Variants in DNAJC1 observed in about 807,000 individuals in gnomAD.
DNAJC1 encodes the protein DnaJ heat shock protein family (Hsp40) member C1, also known as dnaJ homolog subfamily C member 1.
Under a neutral mutation model 76.6 loss-of-function variants are expected in DNAJC1, and 58 were observed. The observed-to-expected ratio is 0.76, with a 90% confidence interval of 0.61 to 0.94. DNAJC1 has a LOEUF of 0.94. DNAJC1 is among the 40% of genes least tolerant of loss of function. The pLI, the probability that DNAJC1 is intolerant of heterozygous loss-of-function variation, is 0.00. For missense variants in DNAJC1, 689 were observed against 677.3 expected (o/e 1.02, Z -0.19); for synonymous variants, 258 against 267.9 (o/e 0.96, Z 0.36).
At chr10:21,916,637 C>T (rs576681056) in intron 6 of DNAJC1, among the ~76,000 whole-genome samples, 1 of 152,194 alleles carries the variant, frequency 6.6e-6, no homozygotes, top group South Asian at 2.1e-4. Flanking sequence ...GTTCCAATTA[C>T]CAATCCAGAT....
intron 8 of DNAJC1, among the ~76,000 whole-genome samples, chr10:21,829,316 C>A (rs1835316963): frequency 6.6e-6 from 1 of 152,108 alleles, no homozygotes; most frequent in South Asian, 2.1e-4. Flanking sequence ...CGGGTTCACA[C>A]CATTCTCCTG....
intron 1 of DNAJC1, among the ~76,000 whole-genome samples, chr10:21,973,067 C>A (rs1005604984): frequency 2.6e-5 from 4 of 151,984 alleles, no homozygotes; most frequent in African/African-American, 9.7e-5. Flanking sequence ...AGCAATAAAT[C>A]CAGAAATGAA....
At chr10:21,857,259 G>A (rs1835849773) in intron 8 of DNAJC1, among the ~76,000 whole-genome samples, 2 of 152,130 alleles carry the variant, frequency 1.3e-5, no homozygotes, top group Admixed American at 6.6e-5. Flanking sequence ...AGTCCTTGTT[G>A]AATACTTTTC....
intron 1 of DNAJC1, among the ~76,000 whole-genome samples, chr10:21,959,909 ACTC>A (rs1837759013): frequency 6.6e-6 from 1 of 151,802 alleles, no homozygotes; most frequent in African/African-American, 2.4e-5. Flanking sequence ...GTCACTTTTG[ACTC>A]CTCTTTCTCT....
chr10:21,790,495 G>A (rs1401341395), intron 9 of DNAJC1, among the ~76,000 whole-genome samples: 2 of 132,992 alleles, frequency 1.5e-5, no homozygotes, highest in East Asian at 2.5e-4. Flanking sequence ...ATGAAACAAT[G>A]TATTCAATAA....
intron 1 of DNAJC1, among the ~76,000 whole-genome samples, chr10:21,970,618 G>T (rs7923514): frequency 0.037 from 5,572 of 151,880 alleles, 181 homozygotes; most frequent in African/African-American, 0.074. Context: ...CTCTTTCCCA[G>T]GTCAGCATCT....
At chr10:21,851,642 C>A (rs557437927) in intron 8 of DNAJC1, among the ~76,000 whole-genome samples, 71 of 152,074 alleles carry the variant, frequency 4.7e-4, no homozygotes, top group African/African-American at 1.7e-3. Flanking sequence ...AGGTATATAC[C>A]CAAAGCAATT....
intron 8 of DNAJC1, among the ~76,000 whole-genome samples, chr10:21,835,223 G>C (rs1170691296): frequency 6.6e-6 from 1 of 152,172 alleles, no homozygotes; most frequent in African/African-American, 2.4e-5. Context: ...ACAGGGTCTG[G>C]AGTGGACCTC....
intron 1 of DNAJC1, among the ~76,000 whole-genome samples, chr10:21,993,907 AC>A (rs1463184879): frequency 2.0e-5 from 3 of 152,012 alleles, no homozygotes; most frequent in Non-Finnish European, 4.4e-5. Flanking sequence ...CTGCGGGCAA[AC>A]TTTTTTTAAA....
chr10:21,811,453 G>A lies in DNAJC1; in HGVS notation c.979-5354C>T, dbSNP rs144281329. 2.7e-3 allele frequency among the ~76,000 whole-genome samples: 412 copies of A among 152,294 alleles called. 1 individual carries two copies. The highest frequency in any genetic ancestry group is 9.3e-3 in the African/African-American group (387 of 41,562). On this transcript the variant is annotated intron_variant, in intron 8 of 11. Coordinates refer to ENST00000376980, the MANE Select transcript of DNAJC1 (RefSeq NM_022365.4). ...ATTGCAAAACAACTGACACCCCTGCGTGTCTCCCACAGACTCCTTAACTGC... is the reference window on the plus strand; with the variant it reads ...ATTGCAAAACAACTGACACCCCTGCATGTCTCCCACAGACTCCTTAACTGC...
At chr10:21,995,888 G>A (rs1054167990) in intron 1 of DNAJC1, among the ~76,000 whole-genome samples, 7 of 152,074 alleles carry the variant, frequency 4.6e-5, no homozygotes, top group African/African-American at 1.7e-4. Flanking sequence ...TTCTAATTAG[G>A]TCCTTATGAC....
intron 1 of DNAJC1, among the ~76,000 whole-genome samples, chr10:21,987,115 ATAGT>A (rs1838260224): frequency 6.6e-6 from 1 of 152,258 alleles, no homozygotes; most frequent in Middle Eastern, 3.4e-3. Flanking sequence ...CAAATTTCTG[ATAGT>A]TAAAGTGAAA....
chr10:21,772,271 C>CTTTTTT (rs398045895), intron 9 of DNAJC1, among the ~76,000 whole-genome samples: 220 of 91,946 alleles, frequency 2.4e-3, no homozygotes, highest in Middle Eastern at 0.021. Flanking sequence ...CACCCCTCTT[C>CTTTTTT]TTTTTTTTTT....
Position 21,759,583 on chromosome 10 carries a change from G to T in DNAJC1, c.1183C>A (p.Gln395Lys). The T allele has an allele frequency of 3.1e-6, 5 of 1,614,088 alleles. No homozygotes were observed. Among genetic ancestry groups the T allele is most frequent in the Non-Finnish European group, 4.2e-6 (5 of 1,180,028 alleles). The change falls in exon 11 of 12, where the codon CAG becomes AAG. Residue 395 changes from glutamine (Q) to lysine (K), a missense_variant. Transcript: ENST00000376980. Reference protein sequence around the residue: ...VRLSELKSTVQNSRPIKTATT... With the variant: ...VRLSELKSTVKNSRPIKTATT... Reference sequence around the variant, plus strand: ...GCCGTTTTGATGGGCCTGGAATTCTGAACTGTCGATTTGAGTTCGGAGAGT... The same window carrying T: ...GCCGTTTTGATGGGCCTGGAATTCTTAACTGTCGATTTGAGTTCGGAGAGT...
intron 8 of DNAJC1, among the ~76,000 whole-genome samples, chr10:21,857,535 A>G (rs1244507379): frequency 1.3e-5 from 2 of 152,164 alleles, no homozygotes; most frequent in African/African-American, 4.8e-5. Context: ...AAATGTCATT[A>G]GAAAAAAAGT....
intron 9 of DNAJC1, among the ~76,000 whole-genome samples, chr10:21,771,111 A>G (rs896907102): frequency 1.8e-4 from 27 of 152,202 alleles, no homozygotes; most frequent in African/African-American, 6.5e-4. Flanking sequence ...TAAATGTATA[A>G]AAAATAAAAC....
chr10:21,780,382 C>G (rs1834511504), intron 9 of DNAJC1, among the ~76,000 whole-genome samples: 1 of 152,216 alleles, frequency 6.6e-6, no homozygotes, highest in Non-Finnish European at 1.5e-5. Context: ...GCCCATCAGA[C>G]TAACAGCTGA....
intron 9 of DNAJC1, among the ~76,000 whole-genome samples, chr10:21,799,043 A>G (rs1165120300): frequency 6.6e-6 from 1 of 152,228 alleles, no homozygotes. Context: ...GGTGAACAAC[A>G]TGCCACAGTC....
chr10:21,998,677 A>G (rs1189173087), intron 1 of DNAJC1, among the ~76,000 whole-genome samples: 1 of 152,104 alleles, frequency 6.6e-6, no homozygotes, highest in Non-Finnish European at 1.5e-5. Flanking sequence ...TATACCCCCC[A>G]ACAAAGACTT....
Sources: gnomAD v4.1 joint callset for allele counts (sites outside exome capture counted in the v4.1 genomes callset) on GRCh38, gnomAD v4.1.1 for gene constraint, MANE v1.5 for transcripts, NCBI Gene and HGNC (gene_info 2026-07-23, HGNC 2026-07-21) for gene names.